MBNL2: variants seen among roughly 807,000 people sequenced by gnomAD.
MBNL2 encodes muscleblind like splicing regulator 2.
MBNL2 carries 17 observed loss-of-function variants against 41.9 expected under a neutral mutation model. The observed-to-expected ratio is 0.41, with a 90% CI of 0.28 to 0.61. MBNL2 has a LOEUF of 0.61. Among genes scored for constraint, MBNL2 ranks in the 20% least tolerant of loss-of-function variants. The probability of loss-of-function intolerance (pLI) is 0.35; values close to 1 mark genes in which losing one functional copy is unlikely to be tolerated. For synonymous variants in MBNL2, 195 were observed against 182.9 expected (o/e 1.07, Z -0.53); for missense variants, 336 against 505.6 (o/e 0.66, Z 3.22).
chr13:97,334,499 C>T lies in MBNL2; in HGVS notation c.339+59C>T, dbSNP rs1566424040. ...GGTTACAGTGTTGGTATGGATGATG[C>T]CACGTTGACCTAGGGTGGCCTCTCT... is the stretch of plus-strand genomic sequence containing the variant. On this transcript the variant is annotated intron_variant, in intron 3 of 8. Coordinates refer to ENST00000679496, the MANE Select transcript of MBNL2 (RefSeq NM_001382683.1). The surrounding 1 kb of genome is among the most constrained non-coding windows in gnomAD (Gnocchi z 5.3). 8.5e-6 allele frequency: 11 copies of T among 1,288,504 alleles called. No homozygotes were observed. Among genetic ancestry groups the T allele is most frequent in the Non-Finnish European group, 1.2e-5 (11 of 939,462 alleles). 79.8% of individuals were successfully genotyped at this position (1,288,504 alleles called of 1,614,324 possible).
intron 1 of MBNL2, among the ~76,000 whole-genome samples, chr13:97,227,722 T>TG (rs2041851407): frequency 6.6e-6 from 1 of 152,192 alleles, no homozygotes; most frequent in Non-Finnish European, 1.5e-5. Context: ...GAACTGTCCC[T>TG]GGGGGTGCAC....
At chr13:97,201,677 A>G in the MBNL2 span, among the ~76,000 whole-genome samples, 8 of 152,218 alleles carry the variant, frequency 5.3e-5, no homozygotes, top group Non-Finnish European at 1.2e-4. Context: ...AGGTTCTATA[A>G]GTTGAAAATT....
chr13:97,350,512 A>G (rs888303760), intron 5 of MBNL2, among the ~76,000 whole-genome samples: 1 of 152,218 alleles, frequency 6.6e-6, no homozygotes. Context: ...CTCAGAGTAG[A>G]ACTTCTTTCA....
At chr13:97,306,686 T>TTGTTTTCAAGC (rs2058157022) in intron 2 of MBNL2, among the ~76,000 whole-genome samples, 1 of 152,180 alleles carries the variant, frequency 6.6e-6, no homozygotes, top group African/African-American at 2.4e-5. Flanking sequence ...AGCAAATACT[T>TTGTTTTCAAGC]CCAGAAAAAC....
At chr13:97,307,732 G>C (rs2058250393) in intron 2 of MBNL2, among the ~76,000 whole-genome samples, 1 of 152,192 alleles carries the variant, frequency 6.6e-6, no homozygotes, top group South Asian at 2.1e-4. Context: ...CATTTTTGCT[G>C]TTTAAAGATA....
chr13:97,307,560 T>G (rs2058235327), intron 2 of MBNL2, among the ~76,000 whole-genome samples: 1 of 152,060 alleles, frequency 6.6e-6, no homozygotes, highest in Non-Finnish European at 1.5e-5. Flanking sequence ...TGATTCCAGG[T>G]AAAAGAAAAA....
the MBNL2 span, among the ~76,000 whole-genome samples, chr13:97,183,949 A>T: frequency 1.3e-5 from 2 of 152,188 alleles, no homozygotes; most frequent in Admixed American, 1.3e-4. Flanking sequence ...TTTCACAATC[A>T]TGCTTTGGTC....
At chr13:97,166,755 G>A in the MBNL2 span, among the ~76,000 whole-genome samples, 1 of 151,104 alleles carries the variant, frequency 6.6e-6, no homozygotes, top group East Asian at 1.9e-4. Flanking sequence ...TTGTGATCGT[G>A]TGAGTTAATA....
chr13:97,188,107 A>G, the MBNL2 span, among the ~76,000 whole-genome samples: 1 of 152,134 alleles, frequency 6.6e-6, no homozygotes, highest in Non-Finnish European at 1.5e-5. Context: ...CCGCAGAGTA[A>G]TTGTCCTTAA....
At chr13:97,279,680 A>C (rs1280613302) in intron 2 of MBNL2, among the ~76,000 whole-genome samples, 1 of 152,196 alleles carries the variant, frequency 6.6e-6, no homozygotes, top group Non-Finnish European at 1.5e-5. Context: ...TTTATTTATA[A>C]CTGCGAAAGG....
At chr13:97,305,721 C>T (rs901036174) in intron 2 of MBNL2, among the ~76,000 whole-genome samples, 4 of 151,986 alleles carry the variant, frequency 2.6e-5, no homozygotes, top group Non-Finnish European at 5.9e-5. Context: ...GTAAGCCGTG[C>T]GCACACCACT....
the MBNL2 span, among the ~76,000 whole-genome samples, chr13:97,215,394 G>A: frequency 3.0e-4 from 46 of 152,296 alleles, no homozygotes; most frequent in East Asian, 7.3e-3. Context: ...CAGACACTGT[G>A]CGACCTACTA....
At chr13:97,319,431 G>C (rs1436475643) in intron 2 of MBNL2, among the ~76,000 whole-genome samples, 1 of 152,136 alleles carries the variant, frequency 6.6e-6, no homozygotes, top group Non-Finnish European at 1.5e-5. Context: ...AGGCAGGGTG[G>C]TCGTGAGGGT....
At chr13:97,180,818 C>CACAATCT in the MBNL2 span, among the ~76,000 whole-genome samples, 1 of 150,458 alleles carries the variant, frequency 6.6e-6, no homozygotes, top group Non-Finnish European at 1.5e-5. Flanking sequence ...TGAAAATTGT[C>CACAATCT]ACAATCTATC....
At chr13:97,154,575 C>G in the MBNL2 span, among the ~76,000 whole-genome samples, 1 of 152,096 alleles carries the variant, frequency 6.6e-6, no homozygotes, top group East Asian at 1.9e-4. Flanking sequence ...CTTGGCCTCC[C>G]AAAGTGCTGG....
At chr13:97,312,542 A>G (rs1302131759) in intron 2 of MBNL2, among the ~76,000 whole-genome samples, 2 of 152,210 alleles carry the variant, frequency 1.3e-5, no homozygotes, top group East Asian at 3.8e-4. Context: ...ATCATGAAGA[A>G]TAGGAAATAT....
the MBNL2 span, among the ~76,000 whole-genome samples, chr13:97,205,198 AT>A: frequency 1.4e-5 from 2 of 145,038 alleles, no homozygotes; most frequent in African/African-American, 5.1e-5. Context: ...ATATATAAAT[AT>A]ATAAATTATT....
At chr13:97,190,528 CAA>C in the MBNL2 span, among the ~76,000 whole-genome samples, 1 of 152,138 alleles carries the variant, frequency 6.6e-6, no homozygotes, top group African/African-American at 2.4e-5. Flanking sequence ...TACTCTAAAA[CAA>C]AAGTGTAGAA....
chr13:97,373,605 A>AATATATATAT (rs35049420), intron 8 of MBNL2, among the ~76,000 whole-genome samples: 3,999 of 145,316 alleles, frequency 0.028, 68 homozygotes, highest in African/African-American at 0.04. Context: ...GTATGCTAAA[A>AATATATATAT]ATATATATAT....
Sources: allele counts gnomAD v4.1 joint callset (sites outside exome capture counted in the v4.1 genomes callset), GRCh38; gene constraint gnomAD v4.1.1; non-coding constraint Gnocchi (gnomAD v3.1); transcripts MANE v1.5; gene names NCBI Gene and HGNC (gene_info 2026-07-23, HGNC 2026-07-21).